Variants in CFAP54 observed in about 807,000 individuals in gnomAD.
The protein encoded by CFAP54 is cilia- and flagella-associated protein 54.
CFAP54 carries 290 observed loss-of-function variants against 370.4 expected under a neutral mutation model. The ratio of observed to expected loss-of-function variants is 0.78; its 90% CI spans 0.71 to 0.86. The LOEUF is 0.86. Ranked by LOEUF, CFAP54 falls within the 40% of genes least tolerant of loss-of-function variation. The probability of loss-of-function intolerance (pLI) is 0.00; values close to 1 mark genes in which losing one functional copy is unlikely to be tolerated. For synonymous variants in CFAP54, 1,206 were observed against 1,236.5 expected, an observed-to-expected ratio of 0.98 and a Z score of 0.52; for missense variants, 3,399 against 3,528.7, an observed-to-expected ratio of 0.96 and a Z score of 0.93.
chr12:96,645,365 T>G (rs1245695692), intron 33 of CFAP54: 4 of 294,506 alleles, frequency 1.4e-5, no homozygotes, highest in African/African-American at 2.2e-5. Flanking sequence ...TCAAAGAGAA[T>G]AAAATACCCA....
At chr12:96,534,327 G>A (rs1332322986) in intron 11 of CFAP54, 100 bp downstream of exon 11, 4 of 694,318 alleles carry the variant, frequency 5.8e-6, no homozygotes, top group Non-Finnish European at 9.3e-6. Context: ...GGGAGCAAGA[G>A]GTACAAAGGC....
intron 22 of CFAP54, among the ~76,000 whole-genome samples, chr12:96,585,838 G>A (rs73237132): frequency 0.023 from 3,549 of 152,266 alleles, 64 homozygotes; most frequent in Middle Eastern, 0.041. Context: ...AGACAGTCAT[G>A]TGCCTGCCAA....
intron 23 of CFAP54, among the ~76,000 whole-genome samples, chr12:96,591,355 AG>A (rs1465250285): frequency 6.6e-6 from 1 of 152,192 alleles, no homozygotes; most frequent in African/African-American, 2.4e-5. Context: ...AGGAAAAAAA[AG>A]AAAATGAAAA....
Position 96,621,725 on chromosome 12 carries a change from A to G in CFAP54, c.3771+4A>G, listed in dbSNP as rs1330603436. ...ACAAGAAGAAATGCCAGAGGAGGTA[A>G]TTGTTTTTGTTTCTCATTTTTAAAC... On this transcript the variant is annotated splice_donor_region_variant and intron_variant, in intron 27 of 67. Transcript: ENST00000524981. 1.4e-5 allele frequency: 21 copies of G among 1,520,058 alleles called. No homozygotes were observed. Among genetic ancestry groups the G allele is most frequent in the Admixed American group, 2.0e-5 (1 of 49,618 alleles). The allele number at this position is 1,520,058 out of a possible 1,614,324, so 94.2% of individuals were successfully genotyped here. A position where few individuals can be genotyped will look rare whatever the true frequency, so the allele number is the denominator to read the frequency against.
At chr12:96,826,077 T>C (rs1376352399) in intron 65 of CFAP54, among the ~76,000 whole-genome samples, 7 of 145,182 alleles carry the variant, frequency 4.8e-5, no homozygotes, top group Non-Finnish European at 1.1e-4. Flanking sequence ...TTTACCAGCA[T>C]TTAGAATACT....
intron 45 of CFAP54, among the ~76,000 whole-genome samples, chr12:96,699,592 G>A (rs901698259): frequency 1.3e-5 from 2 of 152,144 alleles, no homozygotes; most frequent in Non-Finnish European, 2.9e-5. Context: ...AACATTAGGA[G>A]TGTTTTTGTT....
chr12:96,621,385 C>G (rs559291543), intron 26 of CFAP54, among the ~76,000 whole-genome samples: 1 of 152,128 alleles, frequency 6.6e-6, no homozygotes, highest in South Asian at 2.1e-4. Context: ...TAGTCCTTTA[C>G]TTAAAATAGT....
chr12:96,568,584 T>C (rs1955884281), intron 19 of CFAP54, among the ~76,000 whole-genome samples: 1 of 152,182 alleles, frequency 6.6e-6, no homozygotes, highest in Non-Finnish European at 1.5e-5. Flanking sequence ...AATACATTTA[T>C]TTCCCTTGGC....
chr12:96,835,268 CAG>C (rs2136766280), intron 66 of CFAP54, among the ~76,000 whole-genome samples: 1 of 152,178 alleles, frequency 6.6e-6, no homozygotes, highest in Non-Finnish European at 1.5e-5. Flanking sequence ...CTGCTATCAG[CAG>C]AGAGGGTAGC....
chr12:96,751,290 A>G (rs1298559170), intron 55 of CFAP54, among the ~76,000 whole-genome samples: 1 of 152,184 alleles, frequency 6.6e-6, no homozygotes, highest in Non-Finnish European at 1.5e-5. Context: ...CTAGGAAGCC[A>G]GTCCTCATCT....
Position 96,773,442 on chromosome 12 carries a change from C to T in CFAP54, c.8281+8224C>T, listed in dbSNP as rs114168318. Among the ~76,000 whole-genome samples the T allele has an allele frequency of 4.9e-3, 752 of 152,306 alleles. 9 individuals carry two copies. Among genetic ancestry groups the T allele is most frequent in the African/African-American group, 0.017 (725 of 41,564 alleles). On this transcript the variant is annotated intron_variant, in intron 60 of 67. Coordinates refer to ENST00000524981, the MANE Select transcript of CFAP54 (RefSeq NM_001306084.2). ...AATTTATAATACCTAAAATCCCATC[C>T]AGGACAATAGTTGCAAGGACATTTG...
rs76764665 is a variant in CFAP54 at position 96,621,534 on chromosome 12, A to T, written c.3640-56A>T. ...GAATTTATGGAAAATGATGCATTATACTTGAAAATAGACAAGAATGTCCAA... is the reference window on the plus strand; with the variant it reads ...GAATTTATGGAAAATGATGCATTATTCTTGAAAATAGACAAGAATGTCCAA... On this transcript the variant is annotated intron_variant, in intron 26 of 67. Coordinates refer to ENST00000524981, the MANE Select transcript of CFAP54 (RefSeq NM_001306084.2). 9.5e-4 allele frequency: 1,155 copies of T among 1,216,558 alleles called. 5 individuals are homozygous for T. The African/African-American group carries it at 0.016, about 17-fold the overall frequency. The allele number at this position is 1,216,558 out of a possible 1,614,324, so 75.4% of individuals were successfully genotyped here.
intron 50 of CFAP54, among the ~76,000 whole-genome samples, chr12:96,737,420 GT>G (rs1957991916): frequency 6.6e-6 from 1 of 150,696 alleles, no homozygotes. Flanking sequence ...GAGAATTTCT[GT>G]GGCCAATGTT....
chr12:96,829,576 G>A (rs1322461928), intron 66 of CFAP54, among the ~76,000 whole-genome samples: 1 of 151,968 alleles, frequency 6.6e-6, no homozygotes, highest in Non-Finnish European at 1.5e-5. Context: ...TACATAGCTA[G>A]ATCTTTATTG....
At chr12:96,555,996 C>A (rs1012002209) in intron 17 of CFAP54, among the ~76,000 whole-genome samples, 1 of 151,634 alleles carries the variant, frequency 6.6e-6, no homozygotes, top group African/African-American at 2.4e-5. Flanking sequence ...TAACATAAGT[C>A]AAGATTTATT....
At chr12:96,533,717 A>C in intron 9 of CFAP54, 75 bp from the exon 10 acceptor site, 1 of 1,107,114 alleles carries the variant, frequency 9.0e-7, no homozygotes, top group Non-Finnish European at 1.2e-6. Context: ...TGGTGCCTGA[A>C]AGTGTCTATA....
chr12:96,625,228 T>C (rs943128973), intron 28 of CFAP54, among the ~76,000 whole-genome samples: 2 of 152,222 alleles, frequency 1.3e-5, no homozygotes, highest in Non-Finnish European at 2.9e-5. Context: ...ATTATCTCCA[T>C]TATAAAGATA....
intron 19 of CFAP54, among the ~76,000 whole-genome samples, chr12:96,571,435 G>A (rs1019102850): frequency 5.3e-5 from 8 of 152,118 alleles, no homozygotes; most frequent in African/African-American, 1.9e-4. Context: ...CTGAGTCCCC[G>A]TGATAGGTAA....
Position 96,598,640 on chromosome 12 carries a change from T to C in CFAP54, c.3517-5T>C. 1 of 608,972 alleles carries C rather than the reference T, an allele frequency of 1.6e-6. No homozygotes were observed. Among genetic ancestry groups the C allele is most frequent in the Non-Finnish European group, 3.0e-6 (1 of 337,146 alleles). 37.7% of individuals were successfully genotyped at this position (608,972 alleles called of 1,614,324 possible). A position where few individuals can be genotyped will look rare whatever the true frequency, so the allele number is the denominator to read the frequency against. ...AACAAAAATCATTGTGATTCTAATTTTTAGATCCTGATAAAGTGTATAGTG... is the reference window on the plus strand; with the variant it reads ...AACAAAAATCATTGTGATTCTAATTCTTAGATCCTGATAAAGTGTATAGTG... On this transcript the variant is annotated splice_polypyrimidine_tract_variant and splice_region_variant and intron_variant, in intron 25 of 67. Coordinates refer to ENST00000524981, the MANE Select transcript of CFAP54 (RefSeq NM_001306084.2).
Sources: allele counts gnomAD v4.1 joint callset (sites outside exome capture counted in the v4.1 genomes callset), GRCh38; gene constraint gnomAD v4.1.1; transcripts MANE v1.5; gene names NCBI Gene and HGNC (gene_info 2026-07-23, HGNC 2026-07-21).